The following GDI2 variants were observed in gnomAD, a reference collection of about 807,000 sequenced individuals.
GDI2 encodes GDP dissociation inhibitor 2, also known as rab GDP dissociation inhibitor beta.
Under a neutral mutation model 54.2 loss-of-function variants are expected in GDI2, and 22 were observed. That is an observed-to-expected ratio of 0.41 (90% confidence interval 0.29 to 0.58). The LOEUF (loss-of-function observed/expected upper bound fraction) is 0.58, where lower values mean the gene tolerates loss of function less well. Among genes scored for constraint, GDI2 ranks in the 20% least tolerant of loss-of-function variants. The pLI, the probability that GDI2 is intolerant of heterozygous loss-of-function variation, is 0.35. For synonymous variants in GDI2, 177 were observed against 182.1 expected (o/e 0.97, Z 0.23); for missense variants, 422 against 546.0 (o/e 0.77, Z 2.26).
chr10:5,813,367 A>C lies in GDI2; in HGVS notation c.-109T>G. 1.3e-6 allele frequency: 1 copy of C among 747,292 alleles called. No homozygotes were observed. Among genetic ancestry groups the C allele is most frequent in the Non-Finnish European group, 2.2e-6 (1 of 459,124 alleles). The allele number at this position is 747,292 out of a possible 1,614,324, so 46.3% of individuals were successfully genotyped here. A position where few individuals can be genotyped will look rare whatever the true frequency, so the allele number is the denominator to read the frequency against. On this transcript the variant is annotated 5_prime_UTR_variant, in exon 1 of 11. Transcript: ENST00000380191. ...TTGGGCGCGAAGGAAAGGGGAAGAG[A>C]AAGAGAGGAAAATGGAGCTGGCGAC...
chr10:5,772,485 A>C (rs529756944), intron 7 of GDI2, among the ~76,000 whole-genome samples: 2 of 152,232 alleles, frequency 1.3e-5, no homozygotes, highest in South Asian at 4.2e-4. Flanking sequence ...GGCCAGGCAC[A>C]GTGGCTCATG....
chr10:5,795,051 T>G, intron 3 of GDI2, 32 bp from the exon 4 acceptor site: 1 of 1,428,618 alleles, frequency 7.0e-7, no homozygotes, highest in Non-Finnish European at 9.8e-7. Flanking sequence ...AACTATAACT[T>G]AAGTCTATAA....
rs1841157989 is a variant in GDI2, at chr10:5,796,880, C to T, written c.154-18G>A. The T allele has an allele frequency of 2.5e-6, 3 of 1,208,808 alleles. No individual in the cohort carries two copies. The highest frequency in any genetic ancestry group is 3.7e-6 in the Non-Finnish European group (3 of 814,074). 74.9% of individuals were successfully genotyped at this position (1,208,808 alleles called of 1,614,324 possible). A position where few individuals can be genotyped will look rare whatever the true frequency, so the allele number is the denominator to read the frequency against. On this transcript the variant is annotated intron_variant, in intron 2 of 10. Coordinates refer to ENST00000380191, the MANE Select transcript of GDI2 (RefSeq NM_001494.4). ...TTGTATAACTAAAAGCAAGGAAAAA[C>T]ATAGCCATAATGTTAACAAAATTTA...
At chr10:5,810,969 A>G (rs768101869) in intron 1 of GDI2, among the ~76,000 whole-genome samples, 5 of 152,232 alleles carry the variant, frequency 3.3e-5, no homozygotes, top group Non-Finnish European at 5.9e-5. Context: ...CAAGTTCCTA[A>G]CACTGAAAGT....
intron 1 of GDI2, among the ~76,000 whole-genome samples, chr10:5,809,261 A>T (rs1181903278): frequency 6.6e-6 from 1 of 152,058 alleles, no homozygotes; most frequent in Non-Finnish European, 1.5e-5. Flanking sequence ...AAACAAAAAA[A>T]AAAACTGTCA....
chr10:5,769,625 A>G (rs1193672826), intron 7 of GDI2, among the ~76,000 whole-genome samples: 1 of 152,150 alleles, frequency 6.6e-6, no homozygotes, highest in Non-Finnish European at 1.5e-5. Flanking sequence ...TCCAAAGAAG[A>G]TATGTAAGTG....
intron 1 of GDI2, among the ~76,000 whole-genome samples, chr10:5,803,763 T>A (rs1841318258): frequency 1.3e-5 from 2 of 152,088 alleles, no homozygotes; most frequent in Admixed American, 6.5e-5. Context: ...GGGAAAAAAT[T>A]AATACAATTA....
chr10:5,770,423 T>C (rs902337214), intron 7 of GDI2, among the ~76,000 whole-genome samples: 10 of 151,502 alleles, frequency 6.6e-5, no homozygotes, highest in Admixed American at 2.6e-4. Context: ...TAGCCGGGCG[T>C]GGTGGTATGC....
intron 5 of GDI2, 129 bp downstream of exon 5, chr10:5,785,723 A>G (rs939955647): frequency 4.5e-5 from 29 of 642,490 alleles, no homozygotes; most frequent in Admixed American, 1.1e-4. Flanking sequence ...CACTAATTTC[A>G]ACTAGAACCT....
rs1312054264 is a variant in GDI2, at chr10:5,785,253, T to A, written c.608A>T (p.Tyr203Phe). 1 of 1,602,380 alleles carries A rather than the reference T, an allele frequency of 6.2e-7. No homozygotes were observed. Among genetic ancestry groups the A allele is most frequent in the Non-Finnish European group, 8.5e-7 (1 of 1,170,302 alleles). ...RTDDYLDQPCYETINRIKLYS... is the reference protein window; with the variant it reads ...RTDDYLDQPCFETINRIKLYS... ...AAGTTTAATTCTATTAATGGTTTCA[T>A]AACACGGTTGATCTAAGTAACTGGA... is the stretch of plus-strand genomic sequence containing the variant. The change falls in exon 6 of 11, where the codon TAT becomes TTT. Residue 203 changes from tyrosine to phenylalanine, a missense_variant. Transcript: ENST00000380191.
rs1469192074 is a variant in GDI2, at chr10:5,800,939, TTTTAA to T, written c.46-239_46-235del. On this transcript the variant is annotated intron_variant, in intron 1 of 10. Coordinates refer to ENST00000380191, the MANE Select transcript of GDI2 (RefSeq NM_001494.4). ...TAATAACACTAAGACATTAGTCACC[TTTTAA>T]TTTTTTTTTTTTATTTATTTTTTGA... Among the ~76,000 whole-genome samples the T allele has an allele frequency of 4.2e-4, 64 of 151,930 alleles. No individual in the cohort carries two copies. In the East Asian group the frequency reaches 0.011, roughly 27 times the overall value.
At chr10:5,798,588 C>CAA (rs534853983) in intron 2 of GDI2, among the ~76,000 whole-genome samples, 2 of 95,270 alleles carry the variant, frequency 2.1e-5, no homozygotes, top group Non-Finnish European at 2.2e-5. Flanking sequence ...GACTCCATCT[C>CAA]AAAAAAAAAA....
chr10:5,765,809 G>C lies in GDI2; in HGVS notation c.*197C>G. On this transcript the variant is annotated 3_prime_UTR_variant, in exon 11 of 11. Coordinates refer to ENST00000380191, the MANE Select transcript of GDI2 (RefSeq NM_001494.4). ...GTTTGGTTAAATTGAACAGAATGTG[G>C]TAACTGCCAATGCTGAATAGCCACT... 1 of 500,732 alleles carries C rather than the reference G, an allele frequency of 2.0e-6. No individual in the cohort carries two copies. Among genetic ancestry groups the C allele is most frequent in the Non-Finnish European group, 3.5e-6 (1 of 288,726 alleles). 31.0% of individuals were successfully genotyped at this position (500,732 alleles called of 1,614,324 possible). A position where few individuals can be genotyped will look rare whatever the true frequency, so the allele number is the denominator to read the frequency against.
rs2131688006 is a variant in GDI2, at chr10:5,776,594, C to G, written c.720-2653G>C. Reference sequence around the variant, plus strand: ...TGAAAGATTAAGGAAAGAAAATAAACAACTCAAGGCTGAAAAGGGCAGACT... The same window carrying G: ...TGAAAGATTAAGGAAAGAAAATAAAGAACTCAAGGCTGAAAAGGGCAGACT... On this transcript the variant is annotated intron_variant, in intron 6 of 10. Coordinates refer to ENST00000380191, the MANE Select transcript of GDI2 (RefSeq NM_001494.4). This position sits in a 1 kb window ranked among gnomAD's most constrained non-coding sequence, Gnocchi z 5.3. The G allele has an allele frequency of 6.4e-7, 1 of 1,552,710 alleles. No homozygotes were observed. The highest frequency in any genetic ancestry group is 2.3e-5 in the East Asian group (1 of 44,410).
At chr10:5,767,511 G>C (rs1840378168) in intron 8 of GDI2, among the ~76,000 whole-genome samples, 1 of 151,978 alleles carries the variant, frequency 6.6e-6, no homozygotes, top group Admixed American at 6.6e-5. Flanking sequence ...TTTTTGTAGA[G>C]ACGAGCTCTC....
chr10:5,791,550 C>A (rs1388083032), intron 4 of GDI2, among the ~76,000 whole-genome samples: 1 of 152,064 alleles, frequency 6.6e-6, no homozygotes, highest in East Asian at 1.9e-4. Flanking sequence ...GAGTTTGAGA[C>A]CAGCCTGACC....
intron 6 of GDI2, among the ~76,000 whole-genome samples, chr10:5,777,891 T>C (rs1190545949): frequency 6.6e-6 from 1 of 151,932 alleles, no homozygotes; most frequent in East Asian, 1.9e-4. Context: ...AACCCAAATA[T>C]CCATCAATGG....
chr10:5,808,746 C>T (rs1841429728), intron 1 of GDI2, among the ~76,000 whole-genome samples: 2 of 117,284 alleles, frequency 1.7e-5, no homozygotes, highest in South Asian at 5.5e-4. Flanking sequence ...CACACACACA[C>T]ACAAATGTGA....
At position 5,813,405 on chromosome 10, in the gene GDI2, A is replaced by C; in HGVS notation, c.-147T>G. On this transcript the variant is annotated 5_prime_UTR_variant, in exon 1 of 11. Transcript: ENST00000380191. ...TGGAGCTGGCGACAAGGCGAGACCG[A>C]CCGCCACCTCAGACGGGAAGAGAAG... 3.0e-6 allele frequency: 1 copy of C among 335,600 alleles called. No homozygotes were observed. The highest frequency in any genetic ancestry group is 5.7e-6 in the Non-Finnish European group (1 of 176,118). 20.8% of individuals were successfully genotyped at this position (335,600 alleles called of 1,614,324 possible).
Sources: gnomAD v4.1 joint callset for allele counts (sites outside exome capture counted in the v4.1 genomes callset) on GRCh38, gnomAD v4.1.1 for gene constraint, Gnocchi (gnomAD v3.1) non-coding constraint, MANE v1.5 for transcripts, NCBI Gene and HGNC (gene_info 2026-07-23, HGNC 2026-07-21) for gene names.